CDON: variants seen among roughly 807,000 people sequenced by gnomAD.
The protein encoded by CDON is cell adhesion associated, oncogene regulated.
A neutral mutation model predicts 120.9 loss-of-function variants in CDON; 73 were observed. The ratio of observed to expected loss-of-function variants is 0.60; its 90% CI spans 0.50 to 0.73. CDON has a LOEUF of 0.73. Among genes scored for constraint, CDON ranks in the 30% least tolerant of loss-of-function variants. The pLI is 0.00. For synonymous variants in CDON, 566 were observed against 573.5 expected, an observed-to-expected ratio of 0.99 and a Z score of 0.19; for missense variants, 1,470 against 1,587.3, an observed-to-expected ratio of 0.93 and a Z score of 1.26.
rs1382809245 is a variant in CDON at position 126,003,990 on chromosome 11, C to T, written c.1938G>A (p.Glu646=). The change falls in exon 10 of 20, where the codon GAG becomes GAA. Residue 646 remains glutamate, a synonymous_variant. Coordinates refer to ENST00000531738, the MANE Select transcript of CDON (RefSeq NM_001378964.1). ...TCAAGACTTCATAAAGACTAGATGG[C>T]TCCAGCTCAGCTAAATGGAGCTCAT... ...SENELHLAEL[E]PSSLYEVLMV... The T allele has an allele frequency of 3.1e-6, 5 of 1,613,990 alleles. No individual in the cohort carries two copies. Among genetic ancestry groups the T allele is most frequent in the Non-Finnish European group, 4.2e-6 (5 of 1,180,016 alleles).
intron 8 of CDON, among the ~76,000 whole-genome samples, chr11:126,009,933 C>T (rs1173670657): frequency 6.6e-6 from 1 of 152,132 alleles, no homozygotes; most frequent in African/African-American, 2.4e-5. Context: ...TATATACATA[C>T]AGGTATTACT....
In CDON at chr11:126,010,414, T is replaced by G. The variant is rs766151087; in HGVS notation, c.1479A>C (p.Glu493Asp). Reference sequence around the variant, plus strand: ...CTTCGCAGATGTATTTCCCCGCATGTTCCTGAGTCACAGCCTGAATATGGA... The same window carrying G: ...CTTCGCAGATGTATTTCCCCGCATGGTCCTGAGTCACAGCCTGAATATGGA... Reference protein sequence around the residue: ...SSLHIQAVTQEHAGKYICEAA... With the variant: ...SSLHIQAVTQDHAGKYICEAA... Residue 493 changes from glutamate to aspartate, a missense_variant, in exon 8 of 20, where the codon GAA (glutamate) becomes GAC (aspartate). By Grantham distance (45) the Glu-to-Asp change is conservative. Coordinates refer to ENST00000531738, the MANE Select transcript of CDON (RefSeq NM_001378964.1). 1.2e-6 allele frequency: 2 copies of G among 1,614,152 alleles called. No individual in the cohort carries two copies. The highest frequency in any genetic ancestry group is 3.3e-5 in the Admixed American group (2 of 60,022).
At chr11:126,036,575 T>A (rs1278286901) in intron 1 of CDON, among the ~76,000 whole-genome samples, 1 of 152,260 alleles carries the variant, frequency 6.6e-6, no homozygotes, top group Non-Finnish European at 1.5e-5. Flanking sequence ...CATTTCTACC[T>A]GTATATACCC....
chr11:126,014,483 C>T (rs967227156), intron 7 of CDON, among the ~76,000 whole-genome samples: 7 of 152,118 alleles, frequency 4.6e-5, no homozygotes, highest in African/African-American at 1.7e-4. Context: ...ACACTGATAA[C>T]GACTATGGAG....
intron 15 of CDON, among the ~76,000 whole-genome samples, chr11:125,987,448 G>A (rs1946500559): frequency 6.6e-6 from 1 of 152,158 alleles, no homozygotes; most frequent in African/African-American, 2.4e-5. Context: ...ATTTTTTAAA[G>A]GTTGAAGTAC....
At chr11:125,984,174 GT>G in intron 15 of CDON, 81 bp from the exon 16 acceptor site, 1 of 973,176 alleles carries the variant, frequency 1.0e-6, no homozygotes, top group Non-Finnish European at 1.6e-6. Context: ...AGGAGGTCTG[GT>G]TAGGAATGCA....
At chr11:125,976,281 G>A (rs985026537) in intron 18 of CDON, among the ~76,000 whole-genome samples, 1 of 152,118 alleles carries the variant, frequency 6.6e-6, no homozygotes, top group Non-Finnish European at 1.5e-5. Flanking sequence ...TCCAATTATT[G>A]AGTGTCAAAA....
At chr11:126,052,007 T>C (rs905485542) in intron 1 of CDON, among the ~76,000 whole-genome samples, 12 of 152,122 alleles carry the variant, frequency 7.9e-5, no homozygotes, top group African/African-American at 2.9e-4. Flanking sequence ...ATAACATCAA[T>C]TGTGTTTGCT....
chr11:126,017,028 G>A, intron 6 of CDON, 60 bp downstream of exon 6: 4 of 1,341,158 alleles, frequency 3.0e-6, no homozygotes, highest in Non-Finnish European at 4.2e-6. Context: ...CTTTCCTTCA[G>A]GTATCAGTTA....
Position 125,981,321 on chromosome 11 carries a change from G to C in CDON, c.3004C>G (p.Pro1002Ala), listed in dbSNP as rs1169452825. 6.2e-7 allele frequency: 1 copy of C among 1,612,732 alleles called. No individual in the cohort carries two copies. The highest frequency in any genetic ancestry group is 1.1e-5 in the South Asian group (1 of 91,060). The change falls in exon 17 of 20, where the codon CCA becomes GCA. Residue 1002 changes from proline to alanine, a missense_variant. Coordinates refer to ENST00000531738, the MANE Select transcript of CDON (RefSeq NM_001378964.1). ...GATCCTTGGTAGAGATATCCTGGTG[G>C]GTCATATTCTGTTAAAAGAGAACAA... is the stretch of plus-strand genomic sequence containing the variant. ...RQQNTIQKYD[P>A]PGYLYQGSDM...
At chr11:125,980,413 A>C (rs1411109539) in intron 17 of CDON, among the ~76,000 whole-genome samples, 1 of 152,238 alleles carries the variant, frequency 6.6e-6, no homozygotes, top group African/African-American at 2.4e-5. Flanking sequence ...AGCCCATGAA[A>C]GGTCAGAAGT....
chr11:125,994,504 T>G (rs1565511925), intron 13 of CDON, 115 bp from the exon 14 acceptor site: 2 of 700,796 alleles, frequency 2.9e-6, no homozygotes, highest in African/African-American at 3.6e-5. Flanking sequence ...GCAAACATAC[T>G]AATAATGGCC....
chr11:125,982,163 A>G (rs946815685), intron 16 of CDON, among the ~76,000 whole-genome samples: 2 of 151,212 alleles, frequency 1.3e-5, no homozygotes, highest in Non-Finnish European at 2.9e-5. Flanking sequence ...TTTAGTAGAG[A>G]CAGGGTTTCA....
At chr11:126,047,824 G>T (rs1565554510) in intron 1 of CDON, among the ~76,000 whole-genome samples, 1 of 152,238 alleles carries the variant, frequency 6.6e-6, no homozygotes, top group African/African-American at 2.4e-5. Flanking sequence ...CTAGGTTAAA[G>T]CTCCCATTTA....
At chr11:125,980,473 C>A (rs1946264975) in intron 17 of CDON, among the ~76,000 whole-genome samples, 1 of 152,182 alleles carries the variant, frequency 6.6e-6, no homozygotes, top group African/African-American at 2.4e-5. Context: ...CGTATGTTTT[C>A]AAAAATTTGA....
intron 15 of CDON, among the ~76,000 whole-genome samples, chr11:125,986,640 C>T (rs955172550): frequency 5.3e-5 from 8 of 151,968 alleles, no homozygotes; most frequent in African/African-American, 1.9e-4. Context: ...TGGCATGTGC[C>T]TGTAGTCCCA....
At chr11:126,001,559 A>G (rs1201840328) in intron 11 of CDON, among the ~76,000 whole-genome samples, 160 bp downstream of exon 11, 2 of 152,212 alleles carry the variant, frequency 1.3e-5, no homozygotes, top group African/African-American at 2.4e-5. Flanking sequence ...CTGAGATGCT[A>G]AAGTTTAAAT....
rs190434469 is a variant in CDON at position 125,971,984 on chromosome 11, G to T, written c.3356+6320C>A. 6.6e-5 allele frequency among the ~76,000 whole-genome samples: 10 copies of T among 152,306 alleles called. No homozygotes were observed. The East Asian group carries it at 1.9e-3, about 29-fold the overall frequency. ...GGGTAGAAAGCTTTCGATGTTTTTTGATTAAAATCCATTTAACTCTTGAAA... is the reference window on the plus strand; with the variant it reads ...GGGTAGAAAGCTTTCGATGTTTTTTTATTAAAATCCATTTAACTCTTGAAA... On this transcript the variant is annotated intron_variant, in intron 18 of 19. Coordinates refer to ENST00000531738, the MANE Select transcript of CDON (RefSeq NM_001378964.1).
chr11:125,998,969 C>T (rs1330678571), intron 11 of CDON, among the ~76,000 whole-genome samples: 2 of 152,150 alleles, frequency 1.3e-5, no homozygotes. Flanking sequence ...TCCACCTCAA[C>T]ATGTCTTCAA....
Sources: allele counts gnomAD v4.1 joint callset (sites outside exome capture counted in the v4.1 genomes callset), GRCh38; gene constraint gnomAD v4.1.1; transcripts MANE v1.5; gene names NCBI Gene and HGNC (gene_info 2026-07-23, HGNC 2026-07-21).